OR5AS1: variants seen among roughly 807,000 people sequenced by gnomAD.
OR5AS1 encodes olfactory receptor family 5 subfamily AS member 1.
For missense variants in OR5AS1, 492 were observed against 378.2 expected, an observed-to-expected ratio of 1.30 and a Z score of -2.50; for synonymous variants, 196 against 141.7, an observed-to-expected ratio of 1.38 and a Z score of -2.72.
chr11:56,031,334 G>A lies in OR5AS1; in HGVS notation c.916G>A (p.Glu306Lys), dbSNP rs1469090787. 1 of 1,586,422 alleles carries A rather than the reference G, an allele frequency of 6.3e-7. No individual in the cohort carries two copies. The highest frequency in any genetic ancestry group is 8.6e-7 in the Non-Finnish European group (1 of 1,165,834). Residue 306 changes from glutamate to lysine, a missense_variant, in exon 2 of 2, where the codon GAA becomes AAA. Transcript: ENST00000641320. Reference sequence around the variant, plus strand: ...GAAAAATGCTCTCAAAAAGCTATTAGAAAGAATTGGATATTCAAATGAATG... The same window carrying A: ...GAAAAATGCTCTCAAAAAGCTATTAAAAAGAATTGGATATTCAAATGAATG... Reference protein sequence around the residue: ...DVKNALKKLLERIGYSNEWYL... With the variant: ...DVKNALKKLLKRIGYSNEWYL...
rs369520840 is a variant in OR5AS1, at chr11:56,031,273, T to G, written c.855T>G (p.Phe285Leu). The change falls in exon 2 of 2, where the codon TTT (phenylalanine) becomes TTG (leucine). Residue 285 changes from phenylalanine to leucine, a missense_variant. Coordinates refer to ENST00000641320, the MANE Select transcript of OR5AS1 (RefSeq NM_001001921.2). ...AVFYTVVFPM[F>L]NPIIYSFRNK... ...TTTATACTGTTGTATTTCCCATGTT[T>G]AATCCAATAATTTATAGTTTCAGAA... The G allele has an allele frequency of 8.7e-6, 14 of 1,613,054 alleles. No individual in the cohort carries two copies. Among genetic ancestry groups the G allele is most frequent in the African/African-American group, 1.3e-5 (1 of 74,814 alleles).
rs1853360742 is a variant in OR5AS1 at position 56,032,448 on chromosome 11, C to G, written c.*1055C>G. On this transcript the variant is annotated 3_prime_UTR_variant, in exon 2 of 2. Coordinates refer to ENST00000641320, the MANE Select transcript of OR5AS1 (RefSeq NM_001001921.2). ...TTGTGGTTTATTCTGATCTTTCAGTCTGAAGTCTCTATTTACTTTTTGTCT... is the reference window on the plus strand; with the variant it reads ...TTGTGGTTTATTCTGATCTTTCAGTGTGAAGTCTCTATTTACTTTTTGTCT... The G allele has an allele frequency of 6.6e-6, 1 of 152,004 alleles. No homozygotes were observed. Among genetic ancestry groups the G allele is most frequent in the African/African-American group, 2.4e-5 (1 of 41,358 alleles). The allele number at this position is 152,004 out of a possible 1,614,324, so 9.4% of individuals were successfully genotyped here.
chr11:56,032,422 T>C lies in OR5AS1; in HGVS notation c.*1029T>C, dbSNP rs1487105657. On this transcript the variant is annotated 3_prime_UTR_variant, in exon 2 of 2. Transcript: ENST00000641320. ...TTTTGATAATTAAATTATCAGATTT[T>C]TTGTGGTTTATTCTGATCTTTCAGT... 6.6e-6 allele frequency: 1 copy of C among 152,138 alleles called. No individual in the cohort carries two copies. Among genetic ancestry groups the C allele is most frequent in the Non-Finnish European group, 1.5e-5 (1 of 68,032 alleles). The allele number at this position is 152,138 out of a possible 1,614,324, so 9.4% of individuals were successfully genotyped here. A position where few individuals can be genotyped will look rare whatever the true frequency, so the allele number is the denominator to read the frequency against.
In OR5AS1 at chr11:56,030,451, G is replaced by A; in HGVS notation, c.33G>A (p.Glu11=). The part of the protein sequence containing the change: MLESNYTMPT[E]FLFVGFTDYL... ...AGAGTAATTACACCATGCCAACTGAGTTCCTATTTGTTGGATTCACAGATT... is the reference window on the plus strand; with the variant it reads ...AGAGTAATTACACCATGCCAACTGAATTCCTATTTGTTGGATTCACAGATT... The change falls in exon 2 of 2, where the codon GAG becomes GAA. Residue 11 remains glutamate, a synonymous_variant. Transcript: ENST00000641320. 2.0e-6 allele frequency: 3 copies of A among 1,494,476 alleles called. No individual in the cohort carries two copies. Among genetic ancestry groups the A allele is most frequent in the Non-Finnish European group, 2.7e-6 (3 of 1,121,828 alleles). The allele number at this position is 1,494,476 out of a possible 1,614,324, so 92.6% of individuals were successfully genotyped here.
At position 56,033,389 on chromosome 11, in the gene OR5AS1, C is replaced by T. The variant is rs1008240298; in HGVS notation, c.*1996C>T. ...AAGATCCACTGGCTTGAAATTCTTC[C>T]TGCAAGCATAGCAGTCTGAAGTTGA... On this transcript the variant is annotated 3_prime_UTR_variant, in exon 2 of 2. Coordinates refer to ENST00000641320, the MANE Select transcript of OR5AS1 (RefSeq NM_001001921.2). The T allele has an allele frequency of 3.9e-5, 6 of 152,448 alleles. No individual in the cohort carries two copies. The highest frequency in any genetic ancestry group is 1.4e-4 in the African/African-American group (6 of 41,400). The allele number at this position is 152,448 out of a possible 1,614,324, so 9.4% of individuals were successfully genotyped here.
In OR5AS1 at chr11:56,032,674, T is replaced by C. The variant is rs2134695567; in HGVS notation, c.*1281T>C. ...ATATATGTAAAATTACTGGTATATG[T>C]ATATGATTTGAAAATTAAATAATCT... On this transcript the variant is annotated 3_prime_UTR_variant, in exon 2 of 2. Coordinates refer to ENST00000641320, the MANE Select transcript of OR5AS1 (RefSeq NM_001001921.2). 6.6e-6 allele frequency: 1 copy of C among 152,270 alleles called. No individual in the cohort carries two copies. The highest frequency in any genetic ancestry group is 1.9e-4 in the East Asian group (1 of 5,186). The allele number at this position is 152,270 out of a possible 1,614,324, so 9.4% of individuals were successfully genotyped here.
chr11:56,030,540 G>T lies in OR5AS1; in HGVS notation c.122G>T (p.Gly41Val). The T allele has an allele frequency of 6.4e-7, 1 of 1,557,664 alleles. No individual in the cohort carries two copies. The highest frequency in any genetic ancestry group is 1.2e-5 in the South Asian group (1 of 84,982). The change falls in exon 2 of 2, where the codon GGA becomes GTA. Residue 41 changes from glycine (G) to valine (V), a missense_variant. Transcript: ENST00000641320. Reference protein sequence around the residue: ...FLLVYTLTMVGNILLIILVNI... With the variant: ...FLLVYTLTMVVNILLIILVNI... ...CTGGTATATACATTAACTATGGTCGGAAATATACTCTTAATAATTCTAGTT... is the reference window on the plus strand; with the variant it reads ...CTGGTATATACATTAACTATGGTCGTAAATATACTCTTAATAATTCTAGTT...
At position 56,031,486 on chromosome 11, in the gene OR5AS1, A is replaced by T; in HGVS notation, c.*93A>T. 1.1e-6 allele frequency: 1 copy of T among 948,510 alleles called. No individual in the cohort carries two copies. The highest frequency in any genetic ancestry group is 1.7e-5 in the South Asian group (1 of 58,178). 58.8% of individuals were successfully genotyped at this position (948,510 alleles called of 1,614,324 possible). A position where few individuals can be genotyped will look rare whatever the true frequency, so the allele number is the denominator to read the frequency against. On this transcript the variant is annotated 3_prime_UTR_variant, in exon 2 of 2. Coordinates refer to ENST00000641320, the MANE Select transcript of OR5AS1 (RefSeq NM_001001921.2). The stretch of plus-strand genomic sequence containing the variant: ...TATCACATTTTCAGAAATAAAGATA[A>T]CTTGTTATACTCAGTGCATTAAAAT...
At chr11:56,027,865 G>C (rs1049378478) in intron 1 of OR5AS1, among the ~76,000 whole-genome samples, 153 bp downstream of exon 1, 1 of 151,620 alleles carries the variant, frequency 6.6e-6, no homozygotes, top group African/African-American at 2.4e-5. Flanking sequence ...TGTGGGCTAA[G>C]AGTGGGCAGA....
At position 56,031,418 on chromosome 11, in the gene OR5AS1, G is replaced by T; in HGVS notation, c.*25G>T. The T allele has an allele frequency of 1.4e-6, 2 of 1,421,212 alleles. No individual in the cohort carries two copies. The highest frequency in any genetic ancestry group is 1.9e-6 in the Non-Finnish European group (2 of 1,061,900). 88.0% of individuals were successfully genotyped at this position (1,421,212 alleles called of 1,614,324 possible). On this transcript the variant is annotated 3_prime_UTR_variant, in exon 2 of 2. Coordinates refer to ENST00000641320, the MANE Select transcript of OR5AS1 (RefSeq NM_001001921.2). ...ACTTACCCTTCCAATCTCATAAACA[G>T]CAATTATGCCATGAACATCTTATGT...
At chr11:56,029,508 C>T (rs1160354102) in intron 1 of OR5AS1, among the ~76,000 whole-genome samples, 1 of 146,034 alleles carries the variant, frequency 6.8e-6, no homozygotes, top group South Asian at 2.1e-4. Context: ...ATTTAGTATG[C>T]CAAACAATAC....
chr11:56,029,775 G>A (rs1853329071), intron 1 of OR5AS1, among the ~76,000 whole-genome samples: 1 of 151,900 alleles, frequency 6.6e-6, no homozygotes, highest in African/African-American at 2.4e-5. Context: ...TACTTACTAG[G>A]AATATTTATT....
At position 56,031,668 on chromosome 11, in the gene OR5AS1, A is replaced by T. The variant is rs1179334499; in HGVS notation, c.*275A>T. 4.2e-6 allele frequency: 1 copy of T among 240,220 alleles called. No individual in the cohort carries two copies. The highest frequency in any genetic ancestry group is 9.1e-5 in the East Asian group (1 of 11,038). 14.9% of individuals were successfully genotyped at this position (240,220 alleles called of 1,614,324 possible). ...GATGTTGTATTGAAGGTAAATATTG[A>T]CTTTTCAGTCAATCAATCGGTATTA... On this transcript the variant is annotated 3_prime_UTR_variant, in exon 2 of 2. Coordinates refer to ENST00000641320, the MANE Select transcript of OR5AS1 (RefSeq NM_001001921.2).
chr11:56,030,960 TC>T lies in OR5AS1; in HGVS notation c.545del (p.Pro182HisfsTer32), dbSNP rs1853343410. 1.9e-6 allele frequency: 3 copies of T among 1,613,994 alleles called. No homozygotes were observed. In the South Asian group the frequency reaches 3.3e-5, roughly 18 times the overall value. On this transcript the variant is annotated frameshift_variant, in exon 2 of 2. Coordinates refer to ENST00000641320, the MANE Select transcript of OR5AS1 (RefSeq NM_001001921.2). LOFTEE classifies it low-confidence loss of function (END_TRUNC). ...ATCGTCAATCATTTTTTCTGTGATA[TC>T]CCACCTCTTCTGGCTTTATCATGTA... is the stretch of plus-strand genomic sequence containing the variant. ...SNIVNHFFCDIPPLLALSCTD... is the reference protein window; with the variant it reads ...SNIVNHFFCDXPPLLALSCTD...
Position 56,033,452 on chromosome 11 carries a change from G to A in OR5AS1, c.*2059G>A, listed in dbSNP as rs116734471. The A allele has an allele frequency of 0.061, 9,220 of 152,322 alleles. 383 individuals carry two copies. Among genetic ancestry groups the A allele is most frequent in the Non-Finnish European group, 0.084 (5,733 of 68,146 alleles). The allele number at this position is 152,322 out of a possible 1,614,324, so 9.4% of individuals were successfully genotyped here. A position where few individuals can be genotyped will look rare whatever the true frequency, so the allele number is the denominator to read the frequency against. ...GAGCTTGGTTGGAGGAGGAGAGTCC[G>A]CCATTGCTGAGGCTTCAGTAGGCAG... On this transcript the variant is annotated 3_prime_UTR_variant, in exon 2 of 2. Transcript: ENST00000641320.
rs1267553588 is a variant in OR5AS1, at chr11:56,031,468, T to C, written c.*75T>C. 4.5e-6 allele frequency: 5 copies of C among 1,109,390 alleles called. No homozygotes were observed. The highest frequency in any genetic ancestry group is 1.6e-5 in the African/African-American group (1 of 63,954). 68.7% of individuals were successfully genotyped at this position (1,109,390 alleles called of 1,614,324 possible). Reference sequence around the variant, plus strand: ...TGTTAACTATTTTAAATTTATCACATTTTCAGAAATAAAGATAACTTGTTA... The same window carrying C: ...TGTTAACTATTTTAAATTTATCACACTTTCAGAAATAAAGATAACTTGTTA... On this transcript the variant is annotated 3_prime_UTR_variant, in exon 2 of 2. Coordinates refer to ENST00000641320, the MANE Select transcript of OR5AS1 (RefSeq NM_001001921.2).
chr11:56,036,308 AT>A lies in OR5AS1; in HGVS notation c.*4916del, dbSNP rs1197779541. ...GAGCAGAACTGAAGGAGATAGAGACATGAAAAACCCTTCAAAAAATCAATGA... is the reference window on the plus strand; with the variant it reads ...GAGCAGAACTGAAGGAGATAGAGACAGAAAAACCCTTCAAAAAATCAATGA... On this transcript the variant is annotated 3_prime_UTR_variant, in exon 2 of 2. Transcript: ENST00000641320. 6.6e-6 allele frequency: 1 copy of A among 152,128 alleles called. No homozygotes were observed. The highest frequency in any genetic ancestry group is 2.4e-5 in the African/African-American group (1 of 41,412). 9.4% of individuals were successfully genotyped at this position (152,128 alleles called of 1,614,324 possible).
Position 56,033,206 on chromosome 11 carries a change from G to C in OR5AS1, c.*1813G>C, listed in dbSNP as rs2134696386. ...AAGCACAAAACTCGGTGGCTGTTTG[G>C]GCAGGCACTGAGCTAGCTGCAGGAG... On this transcript the variant is annotated 3_prime_UTR_variant, in exon 2 of 2. Coordinates refer to ENST00000641320, the MANE Select transcript of OR5AS1 (RefSeq NM_001001921.2). 1 of 154,828 alleles carries C rather than the reference G, an allele frequency of 6.5e-6. No individual in the cohort carries two copies. The highest frequency in any genetic ancestry group is 1.4e-5 in the Non-Finnish European group (1 of 70,206). The allele number at this position is 154,828 out of a possible 1,614,324, so 9.6% of individuals were successfully genotyped here.
chr11:56,031,483 A>G lies in OR5AS1; in HGVS notation c.*90A>G. The G allele has an allele frequency of 2.1e-6, 2 of 970,004 alleles. No individual in the cohort carries two copies. Among genetic ancestry groups the G allele is most frequent in the East Asian group, 2.4e-5 (1 of 41,514 alleles). 60.1% of individuals were successfully genotyped at this position (970,004 alleles called of 1,614,324 possible). A position where few individuals can be genotyped will look rare whatever the true frequency, so the allele number is the denominator to read the frequency against. On this transcript the variant is annotated 3_prime_UTR_variant, in exon 2 of 2. Transcript: ENST00000641320. ...ATTTATCACATTTTCAGAAATAAAG[A>G]TAACTTGTTATACTCAGTGCATTAA... is the stretch of plus-strand genomic sequence containing the variant.
Sources: allele counts gnomAD v4.1 joint callset (sites outside exome capture counted in the v4.1 genomes callset), GRCh38; gene constraint gnomAD v4.1.1; transcripts MANE v1.5; gene names NCBI Gene and HGNC (gene_info 2026-07-23, HGNC 2026-07-21).